The following KHDRBS3 variants were observed in gnomAD, a reference collection of about 807,000 sequenced individuals.
The protein encoded by KHDRBS3 is KH RNA binding domain containing, signal transduction associated 3, also known as KH domain-containing, RNA-binding, signal transduction-associated protein 3.
KHDRBS3 carries 23 observed loss-of-function variants against 45.6 expected under a neutral mutation model. That is an observed-to-expected ratio of 0.50 (90% CI 0.36 to 0.72). KHDRBS3 has a LOEUF of 0.72. Among genes scored for constraint, KHDRBS3 ranks in the 30% least tolerant of loss-of-function variants. The pLI is 0.00. For missense variants in KHDRBS3, 352 were observed against 424.8 expected (o/e 0.83, Z 1.51); for synonymous variants, 162 against 156.5 (o/e 1.04, Z -0.26).
chr8:135,497,320 AG>A (rs1354678988), intron 1 of KHDRBS3, among the ~76,000 whole-genome samples: 8 of 152,172 alleles, frequency 5.3e-5, no homozygotes, highest in Admixed American at 6.5e-5. Context: ...GCAGTCCTAA[AG>A]GCAGGTTTAG....
At chr8:135,623,821 CACA>C (rs1200541979) in intron 7 of KHDRBS3, among the ~76,000 whole-genome samples, 1 of 152,126 alleles carries the variant, frequency 6.6e-6, no homozygotes, top group Non-Finnish European at 1.5e-5. Flanking sequence ...GCATGCACTA[CACA>C]ACAATTTTAT....
intron 1 of KHDRBS3, among the ~76,000 whole-genome samples, chr8:135,476,126 G>T (rs1822268717): frequency 6.6e-6 from 1 of 152,058 alleles, no homozygotes; most frequent in Non-Finnish European, 1.5e-5. Flanking sequence ...AATTTTCTTT[G>T]TTTTCCTTCC....
intron 4 of KHDRBS3, among the ~76,000 whole-genome samples, chr8:135,655,193 C>G (rs1476279763): frequency 6.6e-6 from 1 of 152,174 alleles, no homozygotes; most frequent in Non-Finnish European, 1.5e-5. Flanking sequence ...GAGGATTCAC[C>G]TTTAAATAAC....
At chr8:135,587,661 A>G (rs1451176457) in intron 6 of KHDRBS3, among the ~76,000 whole-genome samples, 1 of 152,174 alleles carries the variant, frequency 6.6e-6, no homozygotes, top group Non-Finnish European at 1.5e-5. Context: ...AATTAGGATA[A>G]CCCAGTACAC....
intron 5 of KHDRBS3, among the ~76,000 whole-genome samples, chr8:135,565,090 G>T (rs1027384030): frequency 2.0e-5 from 3 of 152,180 alleles, no homozygotes; most frequent in African/African-American, 4.8e-5. Flanking sequence ...CCTACCCGGA[G>T]GCCTGGCTGG....
At chr8:135,510,509 A>G (rs1824225089) in intron 1 of KHDRBS3, among the ~76,000 whole-genome samples, 1 of 152,092 alleles carries the variant, frequency 6.6e-6, no homozygotes, top group Admixed American at 6.5e-5. Context: ...ATCTCAGCTC[A>G]CTGCAACCTC....
intron 1 of KHDRBS3, among the ~76,000 whole-genome samples, chr8:135,500,262 T>C (rs79408991): frequency 0.1 from 15,838 of 151,774 alleles, 931 homozygotes; most frequent in East Asian, 0.18. Context: ...TTTGGTTCTT[T>C]TTTTTTTTTG....
At chr8:135,601,846 A>G (rs947955526) in intron 6 of KHDRBS3, among the ~76,000 whole-genome samples, 13 of 152,158 alleles carry the variant, frequency 8.5e-5, no homozygotes, top group Admixed American at 3.9e-4. Flanking sequence ...TATTTTTTAA[A>G]TTTCTATCTT....
chr8:135,645,124 G>T lies in KHDRBS3; in HGVS notation c.949+7G>T, dbSNP rs764073246. On this transcript the variant is annotated splice_region_variant and intron_variant, in intron 8 of 8. Transcript: ENST00000355849. Reference sequence around the variant, plus strand: ...GAGACTTATGATTCCTACGGTGAGTGACTGGCCAGAGCATGTGAAGAGAGG... The same window carrying T: ...GAGACTTATGATTCCTACGGTGAGTTACTGGCCAGAGCATGTGAAGAGAGG... 5 of 1,613,442 alleles carry T rather than the reference G, an allele frequency of 3.1e-6. No individual in the cohort carries two copies. The highest frequency in any genetic ancestry group is 4.2e-6 in the Non-Finnish European group (5 of 1,179,746).
intron 1 of KHDRBS3, among the ~76,000 whole-genome samples, chr8:135,467,410 T>C (rs1821752136): frequency 6.6e-6 from 1 of 152,258 alleles, no homozygotes; most frequent in African/African-American, 2.4e-5. Flanking sequence ...GTTCACATGC[T>C]GATGGCACCA....
intron 1 of KHDRBS3, chr8:135,458,186 G>A (rs1414424343): frequency 1.2e-5 from 16 of 1,303,956 alleles, no homozygotes; most frequent in African/African-American, 1.6e-5. Flanking sequence ...GCGCATGGGT[G>A]AGACTTGAAG....
chr8:135,582,141 T>C, intron 6 of KHDRBS3, 68 bp downstream of exon 6: 1 of 1,385,276 alleles, frequency 7.2e-7, no homozygotes, highest in South Asian at 1.9e-5. Flanking sequence ...GCACTGGATA[T>C]TGTACCCGCG....
At chr8:135,643,706 G>C (rs11988916) in intron 7 of KHDRBS3, among the ~76,000 whole-genome samples, 1 of 152,130 alleles carries the variant, frequency 6.6e-6, no homozygotes, top group African/African-American at 2.4e-5. Flanking sequence ...GAAAAACTCC[G>C]TGTGGTTGTG....
chr8:135,587,847 C>T (rs1828551974), intron 6 of KHDRBS3, among the ~76,000 whole-genome samples: 1 of 152,190 alleles, frequency 6.6e-6, no homozygotes, highest in African/African-American at 2.4e-5. Context: ...AGCATCCCCC[C>T]TAACACTCAG....
chr8:135,653,205 G>T (rs1476909543), intron 4 of KHDRBS3, among the ~76,000 whole-genome samples: 7 of 152,134 alleles, frequency 4.6e-5, no homozygotes, highest in Admixed American at 4.6e-4. Flanking sequence ...CTGCTTGTTG[G>T]TGGGTTTTTC....
At chr8:135,622,643 G>T (rs1173297012) in intron 7 of KHDRBS3, among the ~76,000 whole-genome samples, 3 of 152,154 alleles carry the variant, frequency 2.0e-5, no homozygotes, top group Non-Finnish European at 4.4e-5. Context: ...AAAAAGATAT[G>T]TTAGTATACC....
intron 2 of KHDRBS3, among the ~76,000 whole-genome samples, chr8:135,531,013 A>T (rs1825447886): frequency 6.6e-6 from 1 of 152,016 alleles, no homozygotes; most frequent in South Asian, 2.1e-4. Flanking sequence ...GTAGTCTGGG[A>T]TTTTCTGAAT....
At position 135,596,508 on chromosome 8, in the gene KHDRBS3, T is replaced by G. The variant is rs1200827566; in HGVS notation, c.808-10447T>G. On this transcript the variant is annotated intron_variant, in intron 6 of 8. Coordinates refer to ENST00000355849, the MANE Select transcript of KHDRBS3 (RefSeq NM_006558.3). ...ACTAAGGTTAACCTAGACTTACTAATTCCCCTATCCTGGAGAAATATAGCA... is the reference window on the plus strand; with the variant it reads ...ACTAAGGTTAACCTAGACTTACTAAGTCCCCTATCCTGGAGAAATATAGCA... 8.5e-5 allele frequency among the ~76,000 whole-genome samples: 13 copies of G among 152,194 alleles called. No individual in the cohort carries two copies. In the South Asian group the frequency reaches 2.7e-3, roughly 32 times the overall value.
At chr8:135,579,728 A>G (rs11776319) in intron 5 of KHDRBS3, among the ~76,000 whole-genome samples, 59,718 of 152,014 alleles carry the variant, frequency 0.39, 12,804 homozygotes, top group South Asian at 0.53. Flanking sequence ...TATTTATATG[A>G]TCACATGATT....
Sources: gnomAD v4.1 joint callset for allele counts (sites outside exome capture counted in the v4.1 genomes callset) on GRCh38, gnomAD v4.1.1 for gene constraint, MANE v1.5 for transcripts, NCBI Gene and HGNC (gene_info 2026-07-23, HGNC 2026-07-21) for gene names.